Variants in FDXR observed in about 807,000 individuals in gnomAD.
FDXR encodes ferredoxin reductase.
In FDXR, 38 loss-of-function variants were observed where a neutral mutation model predicts 58.3. That is an observed-to-expected ratio of 0.65 (90% CI 0.50 to 0.85). The LOEUF is 0.85. FDXR is among the 40% of genes least tolerant of loss of function. The probability of loss-of-function intolerance (pLI) is 0.00; values close to 1 mark genes in which losing one functional copy is unlikely to be tolerated. For missense variants in FDXR, 624 were observed against 671.0 expected, an observed-to-expected ratio of 0.93 and a Z score of 0.77; for synonymous variants, 275 against 273.8, an observed-to-expected ratio of 1.00 and a Z score of -0.04.
At chr17:74,871,738 A>G (rs1255244556) in intron 2 of FDXR, among the ~76,000 whole-genome samples, 1 of 152,198 alleles carries the variant, frequency 6.6e-6, no homozygotes, top group Non-Finnish European at 1.5e-5. Flanking sequence ...AGGAGGACAA[A>G]GTCATTTTGC....
At position 74,866,779 on chromosome 17, in the gene FDXR, C is replaced by G; in HGVS notation, c.270+5G>C. The G allele has an allele frequency of 1.1e-5, 18 of 1,614,032 alleles. No individual in the cohort carries two copies. The highest frequency in any genetic ancestry group is 1.4e-5 in the Non-Finnish European group (17 of 1,179,986). ...ACCCCAGCCTCCAGGCCCAGAGACA[C>G]CCACCTTCACCTCGGGGTGATCAGG... On this transcript the variant is annotated splice_donor_5th_base_variant and intron_variant, in intron 3 of 11. Transcript: ENST00000293195.
Position 74,866,889 on chromosome 17 carries a change from A to G in FDXR, c.178-13T>C. ...GGGCCTGGGGGTGCTGCTGGGGAAC[A>G]GGGTGGCAGCTGGTGGGGCCGAGAG... On this transcript the variant is annotated splice_polypyrimidine_tract_variant and intron_variant, in intron 2 of 11. Coordinates refer to ENST00000293195, the MANE Select transcript of FDXR (RefSeq NM_024417.5). 6.2e-7 allele frequency: 1 copy of G among 1,612,734 alleles called. No individual in the cohort carries two copies. The highest frequency in any genetic ancestry group is 8.5e-7 in the Non-Finnish European group (1 of 1,179,410).
At chr17:74,871,733 G>A (rs762143295) in intron 2 of FDXR, among the ~76,000 whole-genome samples, 7 of 152,150 alleles carry the variant, frequency 4.6e-5, no homozygotes, top group Admixed American at 1.3e-4. Flanking sequence ...GATGAAGGAG[G>A]ACAAAGTCAT....
rs746389904 is a variant in FDXR at position 74,866,191 on chromosome 17, T to C, written c.447A>G (p.Pro149=). The C allele has an allele frequency of 2.5e-6, 4 of 1,613,984 alleles. No individual in the cohort carries two copies. The highest frequency in any genetic ancestry group is 3.4e-6 in the Non-Finnish European group (4 of 1,179,988). Residue 149 remains proline, a synonymous_variant, in exon 5 of 12, where the codon CCA becomes CCG. Coordinates refer to ENST00000293195, the MANE Select transcript of FDXR (RefSeq NM_024417.5). Reference sequence around the variant, plus strand: ...CGAAGGCCCGGGCGGAGCACACACCTGGCAGCTCCTCACCAGGAATTTCCA... The same window carrying C: ...CGAAGGCCCGGGCGGAGCACACACCCGGCAGCTCCTCACCAGGAATTTCCA... ...RALEIPGEEL[P]GVCSARAFVG...
intron 11 of FDXR, 55 bp from the exon 12 acceptor site, chr17:74,863,002 C>T (rs1271478560): frequency 8.1e-6 from 13 of 1,603,686 alleles, no homozygotes; most frequent in Non-Finnish European, 1.1e-5. Flanking sequence ...CCAGAACAGC[C>T]CCCTCCCAAA....
chr17:74,866,222 C>T lies in FDXR; in HGVS notation c.416G>A (p.Arg139Gln), dbSNP rs368931937. 19 of 1,613,772 alleles carry T rather than the reference C, an allele frequency of 1.2e-5. No individual in the cohort carries two copies. Among genetic ancestry groups the T allele is most frequent in the Admixed American group, 8.3e-5 (5 of 59,984 alleles). The change falls in exon 5 of 12, where the codon CGG (arginine) becomes CAG (glutamine). Residue 139 changes from arginine to glutamine, a missense_variant. By Grantham distance (43) the Arg-to-Gln change is conservative. Transcript: ENST00000293195. ...CTCCTCACCAGGAATTTCCAGGGCCCGATGGTCCTCTGCCCCGTAGCTCTG... is the reference window on the plus strand; with the variant it reads ...CTCCTCACCAGGAATTTCCAGGGCCTGATGGTCCTCTGCCCCGTAGCTCTG... The part of the protein sequence containing the change: ...VVLSYGAEDH[R>Q]ALEIPGEELP...
intron 2 of FDXR, among the ~76,000 whole-genome samples, chr17:74,868,038 G>A (rs2038251618): frequency 6.6e-6 from 1 of 151,694 alleles, no homozygotes; most frequent in South Asian, 2.1e-4. Flanking sequence ...AGAAGCCCCT[G>A]CCCATCAGTC....
At chr17:74,864,966 A>G (rs377370693) in intron 6 of FDXR, 35 bp from the exon 7 acceptor site, 1 of 1,613,996 alleles carries the variant, frequency 6.2e-7, no homozygotes, top group African/African-American at 1.3e-5. Flanking sequence ...GTCATCAGAC[A>G]CTGACCGAGG....
chr17:74,865,131 C>T (rs576262694), intron 6 of FDXR, among the ~76,000 whole-genome samples, 200 bp from the exon 7 acceptor site: 12 of 152,188 alleles, frequency 7.9e-5, no homozygotes, highest in Non-Finnish European at 1.5e-4. Context: ...CCCACACTTT[C>T]ATTCAACAAG....
At chr17:74,866,309 C>T in intron 4 of FDXR, 65 bp from the exon 5 acceptor site, 4 of 1,569,324 alleles carry the variant, frequency 2.5e-6, no homozygotes, top group Non-Finnish European at 3.5e-6. Context: ...GCCGGGCAGC[C>T]CCCCAGGCTC....
chr17:74,870,432 G>A (rs1341748714), intron 2 of FDXR, among the ~76,000 whole-genome samples: 3 of 139,870 alleles, frequency 2.1e-5, no homozygotes, highest in South Asian at 2.3e-4. Flanking sequence ...CAGGAGAATC[G>A]CTTGAACTTG....
intron 2 of FDXR, 86 bp downstream of exon 2, chr17:74,871,950 G>T: frequency 2.0e-6 from 2 of 986,222 alleles, no homozygotes; most frequent in Non-Finnish European, 3.0e-6. Context: ...AGGCAACCAG[G>T]AGTGCTCTTA....
intron 7 of FDXR, 101 bp from the exon 8 acceptor site, chr17:74,864,665 C>T (rs966221790): frequency 7.2e-6 from 10 of 1,397,162 alleles, no homozygotes; most frequent in Admixed American, 1.9e-5. Context: ...GACCACCACC[C>T]GCCTCCTCCC....
chr17:74,867,267 A>T (rs977856334), intron 2 of FDXR, among the ~76,000 whole-genome samples: 1 of 130,952 alleles, frequency 7.6e-6, no homozygotes, highest in Admixed American at 9.1e-5. Context: ...AGATCGCGCC[A>T]TTGCACTCCA....
chr17:74,867,515 C>G (rs2038234231), intron 2 of FDXR, among the ~76,000 whole-genome samples: 1 of 151,976 alleles, frequency 6.6e-6, no homozygotes, highest in South Asian at 2.1e-4. Context: ...GTCTGAGGAC[C>G]TGAGGGCCAC....
rs1359259577 is a variant in FDXR at position 74,864,650 on chromosome 17, GGA to G, written c.718-88_718-87del. On this transcript the variant is annotated intron_variant, in intron 7 of 11. Transcript: ENST00000293195. ...CCCACCCCAGGGTCCAGCCCAGGCA[GGA>G]GAGACCACCACCCGCCTCCTCCCCA... is the stretch of plus-strand genomic sequence containing the variant. 15 of 1,448,362 alleles carry G rather than the reference GGA, an allele frequency of 1.0e-5. No individual in the cohort carries two copies. The East Asian group carries it at 2.9e-4, about 28-fold the overall frequency. The allele number at this position is 1,448,362 out of a possible 1,614,324, so 89.7% of individuals were successfully genotyped here. A position where few individuals can be genotyped will look rare whatever the true frequency, so the allele number is the denominator to read the frequency against.
intron 2 of FDXR, among the ~76,000 whole-genome samples, chr17:74,867,497 C>A (rs1390045351): frequency 1.3e-5 from 2 of 151,872 alleles, no homozygotes; most frequent in African/African-American, 4.8e-5. Flanking sequence ...ACCCTCAGGT[C>A]CCAGCCAGTC....
chr17:74,863,797 A>C, intron 10 of FDXR, 99 bp downstream of exon 10: 2 of 1,437,248 alleles, frequency 1.4e-6, no homozygotes, highest in Non-Finnish European at 1.9e-6. Context: ...GAAGCTTCTC[A>C]GTACATGTTG....
intron 2 of FDXR, among the ~76,000 whole-genome samples, chr17:74,871,597 G>A (rs1025862699): frequency 6.6e-6 from 1 of 152,216 alleles, no homozygotes; most frequent in African/African-American, 2.4e-5. Flanking sequence ...GAATGGCACG[G>A]AGGACTGGAG....
Sources: gnomAD v4.1 joint callset for allele counts (sites outside exome capture counted in the v4.1 genomes callset) on GRCh38, gnomAD v4.1.1 for gene constraint, MANE v1.5 for transcripts, NCBI Gene and HGNC (gene_info 2026-07-23, HGNC 2026-07-21) for gene names.